The following ARID1A variants were observed in gnomAD, a reference collection of about 807,000 sequenced individuals.
ARID1A encodes AT-rich interaction domain 1A.
In ARID1A, 20 loss-of-function variants were observed where a neutral mutation model predicts 212.6. The observed-to-expected ratio is 0.09, with a 90% CI of 0.07 to 0.14. The LOEUF is 0.14. Ranked by LOEUF, ARID1A falls within the 10% of genes least tolerant of loss-of-function variation. The probability of loss-of-function intolerance (pLI) is 1.00; values close to 1 mark genes in which losing one functional copy is unlikely to be tolerated. For synonymous variants in ARID1A, 1,376 were observed against 1,222.1 expected, an observed-to-expected ratio of 1.13 and a Z score of -2.63; for missense variants, 2,587 against 3,059.0, an observed-to-expected ratio of 0.85 and a Z score of 3.64.
At chr1:26,755,404 T>C (rs1570597105) in intron 4 of ARID1A, among the ~76,000 whole-genome samples, 1 of 152,222 alleles carries the variant, frequency 6.6e-6, no homozygotes, top group Non-Finnish European at 1.5e-5. Flanking sequence ...TTCCCTAGTA[T>C]TTTTCTATAC....
rs778665400 is a variant in ARID1A, at chr1:26,780,016, G to A, written c.6118G>A (p.Gly2040Arg). The A allele has an allele frequency of 2.5e-6, 4 of 1,614,052 alleles. No individual in the cohort carries two copies. In the East Asian group the frequency reaches 8.9e-5, roughly 36 times the overall value. Residue 2040 changes from glycine (G) to arginine (R), a missense_variant, in exon 20 of 20, where the codon GGG (glycine) becomes AGG (arginine). By Grantham distance (125) the Gly-to-Arg change is moderately radical (BLOSUM62 -2). Around this residue, in one of 11 missense-constraint regions of ARID1A, gnomAD observed 168 missense variants for 321.0 expected, o/e 0.52. Coordinates refer to ENST00000324856, the MANE Select transcript of ARID1A (RefSeq NM_006015.6). This position sits in a 1 kb window ranked among gnomAD's most constrained non-coding sequence, Gnocchi z 7.2. ...TGAAAAGGAGGAGGAACAGGACCAA[G>A]GGGTGAGCTGCAACAAAGTGGAGTG... is the stretch of plus-strand genomic sequence containing the variant. Reference protein sequence around the residue: ...TYEKEEEQDQGVSCNKVEWWW... With the variant: ...TYEKEEEQDQRVSCNKVEWWW...
intron 4 of ARID1A, 112 bp downstream of exon 4, chr1:26,732,904 T>C (rs2080694503): frequency 1.1e-6 from 1 of 920,586 alleles, no homozygotes; most frequent in African/African-American, 1.7e-5. Context: ...GAATAAGTTA[T>C]TTCTTGAATT....
At chr1:26,737,845 A>G (rs1312791621) in intron 4 of ARID1A, among the ~76,000 whole-genome samples, 1 of 151,816 alleles carries the variant, frequency 6.6e-6, no homozygotes, top group Non-Finnish European at 1.5e-5. Context: ...AGCCTGGGCT[A>G]CAAGAGCGAA....
Position 26,731,451 on chromosome 1 carries a change from C to T in ARID1A, c.1650C>T (p.Pro550=), listed in dbSNP as rs1405587354. ...TTQQHPQSQP[P]YSQPQAQSPY... is the part of the protein sequence containing the mutation. The stretch of plus-strand genomic sequence containing the variant: ...AGCAGCACCCCCAGAGCCAGCCCCC[C>T]TACTCACAGCCACAGGCTCAGTCTC... Residue 550 remains proline (P), a synonymous_variant, in exon 3 of 20, where the codon CCC becomes CCT. Coordinates refer to ENST00000324856, the MANE Select transcript of ARID1A (RefSeq NM_006015.6). 1 of 1,613,974 alleles carries T rather than the reference C, an allele frequency of 6.2e-7. No individual in the cohort carries two copies. The highest frequency in any genetic ancestry group is 1.6e-4 in the Middle Eastern group (1 of 6,062).
Position 26,696,570 on chromosome 1 carries a change from A to C in ARID1A, c.167A>C (p.Gln56Pro). 2.5e-6 allele frequency: 3 copies of C among 1,221,064 alleles called. No individual in the cohort carries two copies. The highest frequency in any genetic ancestry group is 1.0e-6 in the Non-Finnish European group (1 of 984,200). 75.6% of individuals were successfully genotyped at this position (1,221,064 alleles called of 1,614,324 possible). ...GGGGAAATGAAGGCAGCCGCCGGGC[A>C]GGAAAGCGAGGGCCCCGCCGTGGGG... is the stretch of plus-strand genomic sequence containing the variant. ...ERGEMKAAAG[Q>P]ESEGPAVGPP... is the part of the protein sequence containing the mutation. The change falls in exon 1 of 20, where the codon CAG (glutamine) becomes CCG (proline). Residue 56 changes from glutamine to proline, a missense_variant. By Grantham distance (76) the Gln-to-Pro change is moderately conservative. This residue lies in a region of ARID1A where 735 missense variants were observed against 590.6 expected (regional missense o/e 1.24). Transcript: ENST00000324856.
chr1:26,765,864 C>CAA (rs201978407), intron 8 of ARID1A: 82 of 135,916 alleles, frequency 6.0e-4, no homozygotes, highest in Non-Finnish European at 7.6e-4. Flanking sequence ...AACTCTGTCT[C>CAA]AAAAAAAAAA....
intron 1 of ARID1A, among the ~76,000 whole-genome samples, chr1:26,728,338 A>G (rs7514052): frequency 0.013 from 1,907 of 152,270 alleles, 39 homozygotes; most frequent in African/African-American, 0.044. Context: ...TTCCTCTACT[A>G]TAAAACACTT....
Position 26,696,742 on chromosome 1 carries a change from G to A in ARID1A, c.339G>A (p.Leu113=), listed in dbSNP as rs1286449727. 2.0e-5 allele frequency: 28 copies of A among 1,373,760 alleles called. No homozygotes were observed. Among genetic ancestry groups the A allele is most frequent in the Non-Finnish European group, 2.4e-5 (26 of 1,066,432 alleles). The allele number at this position is 1,373,760 out of a possible 1,614,324, so 85.1% of individuals were successfully genotyped here. The change falls in exon 1 of 20, where the codon CTG becomes CTA. Residue 113 remains leucine (L), a synonymous_variant. Coordinates refer to ENST00000324856, the MANE Select transcript of ARID1A (RefSeq NM_006015.6). The part of the protein sequence containing the change: ...SNGNAGPRPA[L]NNNLTEPPGG... ...GGAACGCGGGCCCTAGGCCCGCCCT[G>A]AACAATAACCTCACGGAGCCGCCCG...
chr1:26,772,456 C>T, intron 12 of ARID1A, 44 bp from the exon 13 acceptor site: 7 of 1,613,380 alleles, frequency 4.3e-6, no homozygotes, highest in Non-Finnish European at 5.1e-6. Flanking sequence ...GAGTTAAACA[C>T]TGTCATGCCA....
chr1:26,709,781 T>TAGCTG (rs1347242926), intron 1 of ARID1A, among the ~76,000 whole-genome samples: 2 of 151,550 alleles, frequency 1.3e-5, no homozygotes, highest in Non-Finnish European at 2.9e-5. Flanking sequence ...GCCTCCCAAG[T>TAGCTG]AGCTGAGCTA....
chr1:26,724,794 G>A (rs2080601159), intron 1 of ARID1A, among the ~76,000 whole-genome samples: 1 of 152,166 alleles, frequency 6.6e-6, no homozygotes, highest in Non-Finnish European at 1.5e-5. Flanking sequence ...TATGCAAGGG[G>A]TCTGTCTGCT....
At chr1:26,700,496 C>G (rs4579782) in intron 1 of ARID1A, among the ~76,000 whole-genome samples, 8,492 of 152,182 alleles carry the variant, frequency 0.056, 313 homozygotes, top group Non-Finnish European at 0.08. Flanking sequence ...GTGTTGAATC[C>G]CGGTACTGAT....
At chr1:26,714,357 C>G (rs1410320374) in intron 1 of ARID1A, among the ~76,000 whole-genome samples, 2 of 152,166 alleles carry the variant, frequency 1.3e-5, no homozygotes, top group Non-Finnish European at 2.9e-5. Context: ...CAGGGAATTG[C>G]TGACCTTAAA....
intron 1 of ARID1A, among the ~76,000 whole-genome samples, chr1:26,706,226 A>G (rs1411025331): frequency 2.0e-5 from 3 of 152,122 alleles, no homozygotes; most frequent in African/African-American, 4.8e-5. Context: ...GCAAAGTTAG[A>G]TATTAGACTT....
rs766923202 is a variant in ARID1A, at chr1:26,779,017, T to C, written c.5125-6T>C. 27 of 1,500,168 alleles carry C rather than the reference T, an allele frequency of 1.8e-5. No homozygotes were observed. Among genetic ancestry groups the C allele is most frequent in the Middle Eastern group, 3.8e-4 (2 of 5,262 alleles). 92.9% of individuals were successfully genotyped at this position (1,500,168 alleles called of 1,614,324 possible). ...TTAATTTATTTCCTGTTCTTTCTCTTTTTAGCTCCCAGGGTTGCTAGAGCT... is the reference window on the plus strand; with the variant it reads ...TTAATTTATTTCCTGTTCTTTCTCTCTTTAGCTCCCAGGGTTGCTAGAGCT... On this transcript the variant is annotated splice_region_variant and splice_polypyrimidine_tract_variant and intron_variant, in intron 19 of 19. Coordinates refer to ENST00000324856, the MANE Select transcript of ARID1A (RefSeq NM_006015.6).
chr1:26,709,293 C>A (rs1189331264), intron 1 of ARID1A, among the ~76,000 whole-genome samples: 1 of 152,208 alleles, frequency 6.6e-6, no homozygotes, highest in Non-Finnish European at 1.5e-5. Flanking sequence ...CTCCAGCCGT[C>A]CTTTTCAGAA....
chr1:26,744,457 A>G (rs1390456273), intron 4 of ARID1A, among the ~76,000 whole-genome samples: 2 of 152,200 alleles, frequency 1.3e-5, no homozygotes, highest in African/African-American at 4.8e-5. Context: ...TTAGTCCTAC[A>G]GAGGTCTGGC....
intron 4 of ARID1A, among the ~76,000 whole-genome samples, chr1:26,757,670 C>CTTTTTTTTTTTTTTTTTTTTT (rs1321300154): frequency 6.8e-6 from 1 of 146,842 alleles, no homozygotes. Context: ...ATAATCAAAA[C>CTTTTTTTTTTTTTTTTTTTTT]TTTTTTTTTT....
intron 8 of ARID1A, among the ~76,000 whole-genome samples, chr1:26,763,552 C>G (rs947714317): frequency 6.6e-6 from 1 of 152,196 alleles, no homozygotes; most frequent in African/African-American, 2.4e-5. Context: ...GCGGGCAGAT[C>G]ATGAGGTCAG....
Sources: allele counts gnomAD v4.1 joint callset (sites outside exome capture counted in the v4.1 genomes callset), GRCh38; gene constraint gnomAD v4.1.1; regional missense constraint gnomAD v4.1.1; non-coding constraint Gnocchi (gnomAD v3.1); transcripts MANE v1.5; gene names NCBI Gene and HGNC (gene_info 2026-07-23, HGNC 2026-07-21).